The following PEBP4 variants were observed in gnomAD, a reference collection of about 807,000 sequenced individuals.
The protein encoded by PEBP4 is phosphatidylethanolamine-binding protein 4.
A neutral mutation model predicts 23.9 loss-of-function variants in PEBP4; 22 were observed. That is an observed-to-expected ratio of 0.92 (90% CI 0.66 to 1.31). The LOEUF (loss-of-function observed/expected upper bound fraction) is 1.31, where lower values mean the gene tolerates loss of function less well. Ranked by LOEUF, PEBP4 falls within the 40% of genes most tolerant of loss-of-function variation. The pLI, the probability that PEBP4 is intolerant of heterozygous loss-of-function variation, is 0.00. For missense variants in PEBP4, 324 were observed against 281.7 expected, an observed-to-expected ratio of 1.15 and a Z score of -1.07; for synonymous variants, 112 against 99.3, an observed-to-expected ratio of 1.13 and a Z score of -0.76.
chr8:22,886,517 C>T (rs1473478574), intron 3 of PEBP4: 1 of 152,308 alleles, frequency 6.6e-6, no homozygotes, highest in African/African-American at 2.4e-5. Context: ...GCATTCAGCA[C>T]ATGTCAAGTC....
At chr8:22,833,088 C>T (rs934908378) in intron 3 of PEBP4, among the ~76,000 whole-genome samples, 1 of 152,236 alleles carries the variant, frequency 6.6e-6, no homozygotes, top group African/African-American at 2.4e-5. Context: ...CTTGCCCATG[C>T]TTCCCCCGTA....
intron 4 of PEBP4, among the ~76,000 whole-genome samples, chr8:22,764,909 G>A (rs1285857976): frequency 6.6e-6 from 1 of 152,072 alleles, no homozygotes; most frequent in African/African-American, 2.4e-5. Context: ...AATCCTTGGG[G>A]ATGCCCCTGG....
rs140026216 is a variant in PEBP4, at chr8:22,874,556, G to A, written c.258+45628C>T. Among the ~76,000 whole-genome samples the A allele has an allele frequency of 5.2e-3, 788 of 151,654 alleles. 5 individuals carry two copies. Among genetic ancestry groups the A allele is most frequent in the African/African-American group, 0.018 (753 of 41,254 alleles). On this transcript the variant is annotated intron_variant, in intron 3 of 6. Coordinates refer to ENST00000256404, the MANE Select transcript of PEBP4 (RefSeq NM_144962.3). The stretch of plus-strand genomic sequence containing the variant: ...AGCATTTTGATACAACCCCCCTTTC[G>A]TATTTCTACGGCATATGAAAATTCA...
At chr8:22,722,727 G>A (rs1585236002) in intron 6 of PEBP4, among the ~76,000 whole-genome samples, 1 of 152,044 alleles carries the variant, frequency 6.6e-6, no homozygotes, top group African/African-American at 2.4e-5. Flanking sequence ...GGCATCACAT[G>A]GCAAGACTGG....
At chr8:22,737,122 G>A (rs1477258027) in intron 4 of PEBP4, among the ~76,000 whole-genome samples, 2 of 151,818 alleles carry the variant, frequency 1.3e-5, no homozygotes, top group Admixed American at 6.6e-5. Flanking sequence ...GGCAAAACCC[G>A]GTCTCTATTA....
At chr8:22,719,054 C>T (rs1029196143) in intron 6 of PEBP4, among the ~76,000 whole-genome samples, 5 of 152,134 alleles carry the variant, frequency 3.3e-5, no homozygotes, top group Non-Finnish European at 5.9e-5. Flanking sequence ...CCCTATGTGG[C>T]AAGTCCCTGC....
rs79656024 is a variant in PEBP4, at chr8:22,842,605, A to G, written c.259-24870T>C. Reference sequence around the variant, plus strand: ...TGGAACACTCTTGCGATGAAATGGAAGGAGCATGACTCTGTCAACAGACCA... The same window carrying G: ...TGGAACACTCTTGCGATGAAATGGAGGGAGCATGACTCTGTCAACAGACCA... On this transcript the variant is annotated intron_variant, in intron 3 of 6. Transcript: ENST00000256404. Among the ~76,000 whole-genome samples, 1,030 of 152,304 alleles carry G rather than the reference A, an allele frequency of 6.8e-3. 15 individuals are homozygous for G. The highest frequency in any genetic ancestry group is 0.024 in the African/African-American group (998 of 41,578).
At chr8:22,875,081 T>C (rs1808091884) in intron 3 of PEBP4, among the ~76,000 whole-genome samples, 1 of 152,116 alleles carries the variant, frequency 6.6e-6, no homozygotes, top group South Asian at 2.1e-4. Flanking sequence ...CTGACCATCC[T>C]TTTCCTTCGC....
intron 4 of PEBP4, among the ~76,000 whole-genome samples, chr8:22,749,426 T>C (rs1443870726): frequency 1.3e-5 from 2 of 152,180 alleles, no homozygotes; most frequent in Non-Finnish European, 2.9e-5. Flanking sequence ...GGCCTCCACC[T>C]ACCCAGCTAG....
At chr8:22,920,603 TATTA>T (rs1157734999) in intron 2 of PEBP4, among the ~76,000 whole-genome samples, 1 of 152,194 alleles carries the variant, frequency 6.6e-6, no homozygotes, top group African/African-American at 2.4e-5. Flanking sequence ...GAAAGTATAA[TATTA>T]ATTATCATCA....
rs199580942 is a variant in PEBP4, at chr8:22,724,872, G to C, written c.488C>G (p.Ser163Cys). 1.8e-5 allele frequency: 29 copies of C among 1,614,016 alleles called. No individual in the cohort carries two copies. The African/African-American group carries it at 3.2e-4, about 18-fold the overall frequency. ...FVYLQEGKVI[S>C]LLPKENKTRG... is the part of the protein sequence containing the mutation. ...AGTTTTGTTTTCCTTGGGAAGGAGA[G>C]AGATGACTTTTCCTTCCTGAAGATA... The change falls in exon 6 of 7, where the codon TCT becomes TGT. Residue 163 changes from serine to cysteine, a missense_variant. Transcript: ENST00000256404.
rs527684971 is a variant in PEBP4 at position 22,936,363 on chromosome 8, G to A, written c.145-8643C>T. ...ATAAATTTGATAACCCAGATGAAAT[G>A]GACAAATTCCTGGAAACATAAAACC... is the stretch of plus-strand genomic sequence containing the variant. On this transcript the variant is annotated intron_variant, in intron 1 of 1. Transcript: ENST00000522278. Among the ~76,000 whole-genome samples the A allele has an allele frequency of 1.4e-4, 21 of 152,102 alleles. No individual in the cohort carries two copies. The East Asian group carries it at 2.9e-3, about 21-fold the overall frequency.
chr8:22,832,061 G>A (rs565683366), intron 3 of PEBP4, among the ~76,000 whole-genome samples: 43 of 152,254 alleles, frequency 2.8e-4, no homozygotes, highest in Admixed American at 1.6e-3. Flanking sequence ...GAATGGGCAC[G>A]ATAAAGGCCA....
At chr8:22,893,091 T>C (rs1360451852) in intron 3 of PEBP4, among the ~76,000 whole-genome samples, 1 of 152,096 alleles carries the variant, frequency 6.6e-6, no homozygotes, top group Non-Finnish European at 1.5e-5. Flanking sequence ...AAGAAATAAT[T>C]CCCTGAAAGA....
chr8:22,919,749 C>T (rs1422267595), intron 3 of PEBP4, among the ~76,000 whole-genome samples: 1 of 152,168 alleles, frequency 6.6e-6, no homozygotes, highest in Non-Finnish European at 1.5e-5. Context: ...TGGTAAATAC[C>T]AGCTTCTCTC....
Position 22,713,593 on chromosome 8 carries a change from C to T in PEBP4, c.518-57G>A, listed in dbSNP as rs749023273. The T allele has an allele frequency of 2.2e-4, 353 of 1,611,536 alleles. 1 individual carries two copies. Among genetic ancestry groups the T allele is most frequent in the Non-Finnish European group, 2.9e-4 (337 of 1,178,518 alleles). On this transcript the variant is annotated intron_variant, in intron 6 of 6. Coordinates refer to ENST00000256404, the MANE Select transcript of PEBP4 (RefSeq NM_144962.3). ...TGAGAAAGAGCCATGGACTTGAAAG[C>T]TGGCAGGGGCCTGAGAGGGAGGCCG...
At chr8:22,816,352 A>C (rs1409598065) in intron 4 of PEBP4, among the ~76,000 whole-genome samples, 1 of 152,122 alleles carries the variant, frequency 6.6e-6, no homozygotes, top group African/African-American at 2.4e-5. Flanking sequence ...GCTCCGTGGG[A>C]GGGGCCCCGG....
intron 6 of PEBP4, among the ~76,000 whole-genome samples, chr8:22,717,446 G>T (rs987597607): frequency 6.6e-6 from 1 of 151,824 alleles, no homozygotes; most frequent in Non-Finnish European, 1.5e-5. Flanking sequence ...CAGTATTTCC[G>T]TCCTGATGTA....
chr8:22,903,894 A>G (rs1808757049), intron 3 of PEBP4, among the ~76,000 whole-genome samples: 1 of 152,228 alleles, frequency 6.6e-6, no homozygotes, highest in Non-Finnish European at 1.5e-5. Flanking sequence ...GGCAAAGAGC[A>G]GGCAGGCAAG....
Sources: allele counts gnomAD v4.1 joint callset (sites outside exome capture counted in the v4.1 genomes callset), GRCh38; gene constraint gnomAD v4.1.1; transcripts MANE v1.5; gene names NCBI Gene and HGNC (gene_info 2026-07-23, HGNC 2026-07-21).